TPD52L1: variants seen among roughly 807,000 people sequenced by gnomAD.
The protein encoded by TPD52L1 is tumor protein D53.
A neutral mutation model predicts 28.7 loss-of-function variants in TPD52L1; 18 were observed. The ratio of observed to expected loss-of-function variants is 0.63; its 90% CI spans 0.43 to 0.93. The LOEUF (loss-of-function observed/expected upper bound fraction) is 0.93, where lower values mean the gene tolerates loss of function less well. TPD52L1 is among the 40% of genes least tolerant of loss of function. The probability of loss-of-function intolerance (pLI) is 0.00; values close to 1 mark genes in which losing one functional copy is unlikely to be tolerated. For missense variants in TPD52L1, 203 were observed against 254.8 expected (o/e 0.80, Z 1.39); for synonymous variants, 75 against 88.8 (o/e 0.84, Z 0.88).
chr6:125,195,635 G>T (rs1399247486), intron 1 of TPD52L1, among the ~76,000 whole-genome samples: 2 of 152,150 alleles, frequency 1.3e-5, no homozygotes, highest in Non-Finnish European at 2.9e-5. Flanking sequence ...CAGTCAACAG[G>T]CATCTTTTTG....
At chr6:125,182,677 T>C (rs1792284524) in intron 1 of TPD52L1, among the ~76,000 whole-genome samples, 1 of 152,216 alleles carries the variant, frequency 6.6e-6, no homozygotes, top group South Asian at 2.1e-4. Context: ...TCAGATACCA[T>C]TCTCCCTACA....
chr6:125,241,647 T>C (rs1041001275), intron 3 of TPD52L1, among the ~76,000 whole-genome samples: 15 of 152,282 alleles, frequency 9.9e-5, no homozygotes, highest in African/African-American at 2.6e-4. Context: ...TGTTTGTATT[T>C]CTGTGGTATC....
Position 125,220,168 on chromosome 6 carries a change from A to T in TPD52L1, c.110A>T (p.Glu37Val), listed in dbSNP as rs1292199712. The change falls in exon 2 of 7, where the codon GAA (glutamate) becomes GTA (valine). Residue 37 changes from glutamate (E) to valine (V), a missense_variant. Physicochemically the swap from Glu to Val is moderately radical, Grantham distance 121 (BLOSUM62 -2). Transcript: ENST00000534000. ...AGCATGCTCTCTGAGGAGGAAAAGGAAGAGTTAAAAGCAGAGTTAGTTCAG... is the reference window on the plus strand; with the variant it reads ...AGCATGCTCTCTGAGGAGGAAAAGGTAGAGTTAAAAGCAGAGTTAGTTCAG... Reference protein sequence around the residue: ...FSSMLSEEEKEELKAELVQLE... With the variant: ...FSSMLSEEEKVELKAELVQLE... The T allele has an allele frequency of 1.2e-6, 2 of 1,613,192 alleles. No individual in the cohort carries two copies. Among genetic ancestry groups the T allele is most frequent in the African/African-American group, 2.7e-5 (2 of 75,010 alleles).
intron 3 of TPD52L1, among the ~76,000 whole-genome samples, chr6:125,247,100 A>G (rs1796964646): frequency 6.6e-6 from 1 of 151,980 alleles, no homozygotes. Context: ...TTAGGACTGG[A>G]TGACTTGTGG....
intron 3 of TPD52L1, among the ~76,000 whole-genome samples, chr6:125,244,425 G>A (rs1006647268): frequency 2.0e-4 from 31 of 152,158 alleles, no homozygotes; most frequent in Non-Finnish European, 3.7e-4. Flanking sequence ...GTTTCATCAA[G>A]GTGAGGAGTG....
At chr6:125,247,172 G>A (rs1181163147) in intron 3 of TPD52L1, among the ~76,000 whole-genome samples, 1 of 152,036 alleles carries the variant, frequency 6.6e-6, no homozygotes, top group Non-Finnish European at 1.5e-5. Context: ...AGGGTATAAT[G>A]TTTTCTTACA....
At position 125,180,569 on chromosome 6, in the gene TPD52L1, T is replaced by TATACAC. The variant is rs1554203761; in HGVS notation, c.19+26600_19+26601insTACACA. On this transcript the variant is annotated intron_variant, in intron 1 of 6. Transcript: ENST00000534000. ...TACACACACACACATATATTATATA[T>TATACAC]ACACACACACACACACACACACACA... Among the ~76,000 whole-genome samples the TATACAC allele has an allele frequency of 2.9e-4, 44 of 150,264 alleles. No individual in the cohort carries two copies. In the East Asian group the frequency reaches 5.7e-3, roughly 20 times the overall value.
chr6:125,233,750 T>A (rs1023888737), intron 3 of TPD52L1, among the ~76,000 whole-genome samples: 1 of 152,222 alleles, frequency 6.6e-6, no homozygotes, highest in Admixed American at 6.5e-5. Flanking sequence ...AATTTTTTAT[T>A]TCTTCTAGTT....
At chr6:125,252,311 T>C in intron 4 of TPD52L1, 1 of 388,188 alleles carries the variant, frequency 2.6e-6, no homozygotes. Flanking sequence ...TCTTCCGGTG[T>C]TGACAGAGCT....
intron 1 of TPD52L1, among the ~76,000 whole-genome samples, chr6:125,172,140 CTTTCTTTCTTTCTTTCT>C (rs1562211003): frequency 0.011 from 679 of 63,016 alleles, no homozygotes; most frequent in African/African-American, 0.025. Context: ...TTCTTTCTTT[CTTTCTTTCTTTCTTTCT>C]TTTCTTTCTT....
intron 1 of TPD52L1, among the ~76,000 whole-genome samples, chr6:125,163,531 A>G (rs750833614): frequency 1.3e-5 from 2 of 150,114 alleles, no homozygotes; most frequent in Non-Finnish European, 3.0e-5. Flanking sequence ...GCAGTGAGCT[A>G]TGATTGCATC....
intron 1 of TPD52L1, among the ~76,000 whole-genome samples, chr6:125,170,023 A>C (rs1791182190): frequency 1.3e-5 from 2 of 151,718 alleles, no homozygotes; most frequent in Admixed American, 1.3e-4. Context: ...CTGCTTCCTC[A>C]CTTTCTTTGG....
chr6:125,188,770 T>C (rs1792831387), intron 1 of TPD52L1, among the ~76,000 whole-genome samples: 1 of 152,198 alleles, frequency 6.6e-6, no homozygotes, highest in Non-Finnish European at 1.5e-5. Context: ...AGGACTCCTA[T>C]CAAAGTGGCA....
intron 2 of TPD52L1, among the ~76,000 whole-genome samples, chr6:125,226,746 T>C (rs1795635400): frequency 6.7e-6 from 1 of 150,228 alleles, no homozygotes; most frequent in African/African-American, 2.5e-5. Context: ...GCCTTTTTAA[T>C]AGAGAATAAA....
intron 1 of TPD52L1, among the ~76,000 whole-genome samples, chr6:125,185,767 G>C (rs563390290): frequency 7.3e-4 from 111 of 152,148 alleles, no homozygotes; most frequent in Admixed American, 1.2e-3. Flanking sequence ...TTAATTTGGG[G>C]TAATATACAA....
intron 3 of TPD52L1, among the ~76,000 whole-genome samples, chr6:125,247,636 G>A (rs1562375032): frequency 6.6e-6 from 1 of 152,114 alleles, no homozygotes; most frequent in Non-Finnish European, 1.5e-5. Context: ...TCAGAGACCA[G>A]GGACACAAAG....
At chr6:125,232,141 A>T (rs139539479) in intron 3 of TPD52L1, among the ~76,000 whole-genome samples, 162 of 152,340 alleles carry the variant, frequency 1.1e-3, no homozygotes, top group Admixed American at 2.6e-3. Context: ...TATAGATAAC[A>T]TCGAAAACTA....
At chr6:125,201,731 T>C (rs1793810697) in intron 1 of TPD52L1, among the ~76,000 whole-genome samples, 1 of 152,216 alleles carries the variant, frequency 6.6e-6, no homozygotes, top group African/African-American at 2.4e-5. Flanking sequence ...ATAAGTGTCT[T>C]TTCATATTTC....
chr6:125,165,025 ACC>A (rs1165902588), intron 1 of TPD52L1, among the ~76,000 whole-genome samples: 8 of 143,882 alleles, frequency 5.6e-5, no homozygotes, highest in Middle Eastern at 3.5e-3. Flanking sequence ...AGGCAGTGGG[ACC>A]ACTTGAGCTC....
Sources: gnomAD v4.1 joint callset for allele counts (sites outside exome capture counted in the v4.1 genomes callset) on GRCh38, gnomAD v4.1.1 for gene constraint, MANE v1.5 for transcripts, NCBI Gene and HGNC (gene_info 2026-07-23, HGNC 2026-07-21) for gene names.